Variants in UNC13C observed in about 807,000 individuals in gnomAD.
UNC13C encodes the protein unc-13 homolog C.
A neutral mutation model predicts 245.4 loss-of-function variants in UNC13C; 174 were observed. The ratio of observed to expected loss-of-function variants is 0.71; its 90% CI spans 0.63 to 0.80. The LOEUF (loss-of-function observed/expected upper bound fraction) is 0.80, where lower values mean the gene tolerates loss of function less well. Ranked by LOEUF, UNC13C falls within the 30% of genes least tolerant of loss-of-function variation. The pLI, the probability that UNC13C is intolerant of heterozygous loss-of-function variation, is 0.00. For missense variants in UNC13C, 2,829 were observed against 2,602.9 expected, an observed-to-expected ratio of 1.09 and a Z score of -1.89; for synonymous variants, 992 against 895.1, an observed-to-expected ratio of 1.11 and a Z score of -1.93.
At chr15:54,421,157 G>A (rs2040634138) in intron 19 of UNC13C, among the ~76,000 whole-genome samples, 1 of 151,848 alleles carries the variant, frequency 6.6e-6, no homozygotes, top group Non-Finnish European at 1.5e-5. Flanking sequence ...TATTTTGCCT[G>A]AAATTATATT....
chr15:54,508,552 C>T (rs1262356264), intron 23 of UNC13C, among the ~76,000 whole-genome samples: 1 of 152,106 alleles, frequency 6.6e-6, no homozygotes, highest in East Asian at 1.9e-4. Flanking sequence ...CCAAATATTA[C>T]AGCAAAGGAA....
chr15:54,633,301 A>G (rs940148483), downstream of UNC13C: 9 of 152,296 alleles, frequency 5.9e-5, no homozygotes, highest in African/African-American at 1.9e-4. Flanking sequence ...ACTTATTTAC[A>G]TCTTCATTGA....
chr15:54,133,546 G>A (rs190919685), intron 2 of UNC13C, among the ~76,000 whole-genome samples: 58 of 152,216 alleles, frequency 3.8e-4, no homozygotes, highest in African/African-American at 1.3e-3. Flanking sequence ...ATGTACTGTG[G>A]TCTCGCATTA....
chr15:54,293,460 A>G (rs1454567938), intron 10 of UNC13C, among the ~76,000 whole-genome samples: 1 of 151,990 alleles, frequency 6.6e-6, no homozygotes, highest in Non-Finnish European at 1.5e-5. Context: ...TCCTTCAGAA[A>G]ACTATTATTG....
chr15:53,927,872 C>T, the UNC13C span, among the ~76,000 whole-genome samples: 2 of 152,120 alleles, frequency 1.3e-5, no homozygotes, highest in African/African-American at 4.8e-5. Context: ...ACCATCATGT[C>T]TCTAAGAGTA....
At chr15:54,168,310 C>T (rs11855361) in intron 4 of UNC13C, among the ~76,000 whole-genome samples, 67,007 of 151,966 alleles carry the variant, frequency 0.44, 15,125 homozygotes, top group East Asian at 0.58. Context: ...GTTTGGACTT[C>T]GGTTTACTCA....
intron 17 of UNC13C, among the ~76,000 whole-genome samples, chr15:54,365,809 T>C (rs2039352105): frequency 6.6e-6 from 1 of 151,850 alleles, no homozygotes; most frequent in Admixed American, 6.6e-5. Flanking sequence ...TTTGTGAACA[T>C]CGTATATTCT....
chr15:54,327,482 G>T (rs1326036183), intron 14 of UNC13C, among the ~76,000 whole-genome samples: 2 of 151,800 alleles, frequency 1.3e-5, no homozygotes, highest in Non-Finnish European at 2.9e-5. Flanking sequence ...GCGTTTTAGT[G>T]ATTTTCATAA....
At chr15:54,133,075 T>G (rs915426943) in intron 2 of UNC13C, among the ~76,000 whole-genome samples, 1 of 152,052 alleles carries the variant, frequency 6.6e-6, no homozygotes, top group Non-Finnish European at 1.5e-5. Flanking sequence ...GAATATTTAT[T>G]TTTCGTGGTA....
the UNC13C span, among the ~76,000 whole-genome samples, chr15:53,905,736 C>G: frequency 3.9e-5 from 6 of 151,964 alleles, no homozygotes; most frequent in African/African-American, 1.5e-4. Flanking sequence ...GCATTCTACA[C>G]TTGAAATTTG....
intron 2 of UNC13C, among the ~76,000 whole-genome samples, chr15:54,098,435 A>C (rs1265294521): frequency 1.3e-5 from 2 of 152,110 alleles, no homozygotes. Context: ...TTGGCCTCCC[A>C]AAGTGCTGGG....
At chr15:53,899,659 G>A in the UNC13C span, among the ~76,000 whole-genome samples, 7 of 152,028 alleles carry the variant, frequency 4.6e-5, no homozygotes, top group Admixed American at 1.3e-4. Flanking sequence ...CCACCTCCCG[G>A]GTTCAAGCGA....
intron 2 of UNC13C, among the ~76,000 whole-genome samples, chr15:54,046,759 T>C (rs577290587): frequency 6.6e-6 from 1 of 152,056 alleles, no homozygotes; most frequent in South Asian, 2.1e-4. Context: ...ATATAAACAG[T>C]ACAACTTATA....
At chr15:53,841,191 A>T in the UNC13C span, among the ~76,000 whole-genome samples, 8 of 152,030 alleles carry the variant, frequency 5.3e-5, no homozygotes, top group Non-Finnish European at 7.4e-5. Flanking sequence ...ATTTTATATT[A>T]AAAAAAACTG....
intron 4 of UNC13C, among the ~76,000 whole-genome samples, chr15:54,143,952 A>T (rs1173926129): frequency 1.3e-5 from 2 of 152,224 alleles, no homozygotes; most frequent in Non-Finnish European, 2.9e-5. Context: ...TTATCATTAC[A>T]TACCCAAATA....
intron 4 of UNC13C, among the ~76,000 whole-genome samples, chr15:54,200,235 G>A (rs192165289): frequency 1.3e-5 from 2 of 151,954 alleles, no homozygotes; most frequent in Admixed American, 1.3e-4. Context: ...TATTAGTAGG[G>A]GTCTTTAATA....
intron 10 of UNC13C, among the ~76,000 whole-genome samples, chr15:54,272,206 T>C (rs1325143185): frequency 6.6e-6 from 1 of 152,154 alleles, no homozygotes; most frequent in Non-Finnish European, 1.5e-5. Flanking sequence ...CCTTTTGAAG[T>C]ATATGGCAGC....
Position 54,276,756 on chromosome 15 carries a change from C to A in UNC13C, c.3818+11260C>A, listed in dbSNP as rs200256712. Among the ~76,000 whole-genome samples, 6 of 151,958 alleles carry A rather than the reference C, an allele frequency of 3.9e-5. No homozygotes were observed. The East Asian group carries it at 1.2e-3, about 29-fold the overall frequency. ...CTATCTCAGGCATATCTACTACTTG[C>A]CTTTAACATTTTTCCCCATTAGTCT... is the stretch of plus-strand genomic sequence containing the variant. On this transcript the variant is annotated intron_variant, in intron 10 of 32. Transcript: ENST00000260323.
At position 54,333,836 on chromosome 15, in the gene UNC13C, A is replaced by G. The variant is rs372584273; in HGVS notation, c.4564A>G (p.Ile1522Val). The change falls in exon 16 of 33, where the codon ATC (isoleucine) becomes GTC (valine). Residue 1522 changes from isoleucine (I) to valine (V), a missense_variant. Ile to Val is a conservative substitution (Grantham distance 29). Coordinates refer to ENST00000260323, the MANE Select transcript of UNC13C (RefSeq NM_001080534.3). ...LKSTVDLLTS[I>V]TFFRMKVLEL... ...ATCAACTGTTGACCTGTTAACAAGTATCACCTTTTTTAGGATGAAGGTATC... is the reference window on the plus strand; with the variant it reads ...ATCAACTGTTGACCTGTTAACAAGTGTCACCTTTTTTAGGATGAAGGTATC... The G allele has an allele frequency of 4.4e-6, 7 of 1,604,026 alleles. No homozygotes were observed. Among genetic ancestry groups the G allele is most frequent in the Admixed American group, 1.7e-5 (1 of 58,884 alleles).
Sources: gnomAD v4.1 joint callset for allele counts (sites outside exome capture counted in the v4.1 genomes callset) on GRCh38, gnomAD v4.1.1 for gene constraint, MANE v1.5 for transcripts, NCBI Gene and HGNC (gene_info 2026-07-23, HGNC 2026-07-21) for gene names.